Variants in KSR2 observed in about 807,000 individuals in gnomAD.
KSR2 encodes the protein kinase suppressor of ras 2.
A neutral mutation model predicts 107.8 loss-of-function variants in KSR2; 25 were observed. The ratio of observed to expected loss-of-function variants is 0.23; its 90% confidence interval spans 0.17 to 0.32. The LOEUF (loss-of-function observed/expected upper bound fraction) is 0.32, where lower values mean the gene tolerates loss of function less well. KSR2 is among the 10% of genes least tolerant of loss of function. The pLI, the probability that KSR2 is intolerant of heterozygous loss-of-function variation, is 1.00. For missense variants in KSR2, 887 were observed against 1,268.9 expected, an observed-to-expected ratio of 0.70 and a Z score of 4.57; for synonymous variants, 480 against 507.0, an observed-to-expected ratio of 0.95 and a Z score of 0.71.
In KSR2 at chr12:117,760,991, C is replaced by A. The variant is rs528447758; in HGVS notation, c.986+20G>T. 72 of 1,612,470 alleles carry A rather than the reference C, an allele frequency of 4.5e-5. No homozygotes were observed. Among genetic ancestry groups the A allele is most frequent in the South Asian group, 2.5e-4 (23 of 91,016 alleles). The stretch of plus-strand genomic sequence containing the variant: ...AGGCCGGGTTTCGACCGCCCCAGGG[C>A]ACCCACCGATCGCACTCACTTGGGC... On this transcript the variant is annotated intron_variant, in intron 4 of 19. Transcript: ENST00000339824.
rs1870690571 is a variant in KSR2, at chr12:117,457,725, T to C, written c.*9474A>G. ...CCAGTACCAGGTGCTACTGGTATCT[T>C]GTGGGGAGAGTTGAGGAAGCTGCTT... On this transcript the variant is annotated 3_prime_UTR_variant, in exon 20 of 20. Coordinates refer to ENST00000339824, the MANE Select transcript of KSR2 (RefSeq NM_173598.6). 6.6e-6 allele frequency: 1 copy of C among 152,226 alleles called. No homozygotes were observed. Among genetic ancestry groups the C allele is most frequent in the Non-Finnish European group, 1.5e-5 (1 of 68,058 alleles). 9.4% of individuals were successfully genotyped at this position (152,226 alleles called of 1,614,324 possible). A position where few individuals can be genotyped will look rare whatever the true frequency, so the allele number is the denominator to read the frequency against.
chr12:117,967,305 C>T (rs1246852906), intron 1 of KSR2, among the ~76,000 whole-genome samples: 1 of 152,148 alleles, frequency 6.6e-6, no homozygotes, highest in African/African-American at 2.4e-5. Flanking sequence ...CCAAAGATAA[C>T]TCCTCCTCCC....
intron 4 of KSR2, among the ~76,000 whole-genome samples, chr12:117,693,634 G>A (rs1381239402): frequency 6.6e-6 from 1 of 152,192 alleles, no homozygotes. Context: ...AGTAAGTTGT[G>A]CTTAATAAGT....
At chr12:117,863,366 A>C (rs1487948285) in intron 1 of KSR2, among the ~76,000 whole-genome samples, 1 of 152,190 alleles carries the variant, frequency 6.6e-6, no homozygotes, top group East Asian at 1.9e-4. Context: ...CCTGACACTG[A>C]AGCCCATTTA....
rs1247250370 is a variant in KSR2, at chr12:117,460,260, G to A, written c.*6939C>T. Reference sequence around the variant, plus strand: ...AGGACAGCCATTCTCAACCCCATGAGATGAATCCTTCATATTCTTGGTGTT... The same window carrying A: ...AGGACAGCCATTCTCAACCCCATGAAATGAATCCTTCATATTCTTGGTGTT... On this transcript the variant is annotated 3_prime_UTR_variant, in exon 20 of 20. Transcript: ENST00000339824. The A allele has an allele frequency of 6.6e-6, 1 of 152,160 alleles. No homozygotes were observed. Among genetic ancestry groups the A allele is most frequent in the Non-Finnish European group, 1.5e-5 (1 of 68,046 alleles). 9.4% of individuals were successfully genotyped at this position (152,160 alleles called of 1,614,324 possible).
At position 117,615,979 on chromosome 12, in the gene KSR2, C is replaced by G. The variant is rs141707124; in HGVS notation, c.1172-33620G>C. Among the ~76,000 whole-genome samples the G allele has an allele frequency of 1.0e-3, 157 of 151,822 alleles. 1 individual carries two copies. The highest frequency in any genetic ancestry group is 3.7e-3 in the African/African-American group (152 of 41,398). On this transcript the variant is annotated intron_variant, in intron 5 of 19. Coordinates refer to ENST00000339824, the MANE Select transcript of KSR2 (RefSeq NM_173598.6). ...ACCACCCTGGGCAATATGGTGAAACCCCACCACTACAAAAAAACACAAAAC... is the reference window on the plus strand; with the variant it reads ...ACCACCCTGGGCAATATGGTGAAACGCCACCACTACAAAAAAACACAAAAC...
intron 14 of KSR2, among the ~76,000 whole-genome samples, chr12:117,500,412 C>T (rs1444912584): frequency 1.3e-5 from 2 of 152,152 alleles, no homozygotes; most frequent in African/African-American, 2.4e-5. Flanking sequence ...GAAGGTTTTA[C>T]ATAAATCATA....
At chr12:117,745,710 G>A (rs975677249) in intron 4 of KSR2, among the ~76,000 whole-genome samples, 2 of 152,068 alleles carry the variant, frequency 1.3e-5, no homozygotes, top group Admixed American at 1.3e-4. Context: ...AACTCCTTAA[G>A]CTTATAAACA....
chr12:117,694,821 C>CA (rs1322762315), intron 4 of KSR2, among the ~76,000 whole-genome samples: 2 of 142,390 alleles, frequency 1.4e-5, no homozygotes, highest in Admixed American at 1.4e-4. Flanking sequence ...AAGCCAGTGA[C>CA]AAAAGGACAA....
chr12:117,781,950 G>T (rs985701311), intron 3 of KSR2, among the ~76,000 whole-genome samples: 1 of 152,176 alleles, frequency 6.6e-6, no homozygotes, highest in Non-Finnish European at 1.5e-5. Context: ...AAATCATCGG[G>T]TAAAGTGGAA....
At chr12:117,573,042 C>T (rs1471642006) in intron 7 of KSR2, among the ~76,000 whole-genome samples, 1 of 152,232 alleles carries the variant, frequency 6.6e-6, no homozygotes, top group African/African-American at 2.4e-5. Context: ...CTCTCATGAA[C>T]CTATTAGATG....
intron 19 of KSR2, among the ~76,000 whole-genome samples, chr12:117,468,266 C>A (rs1465679533): frequency 6.6e-6 from 1 of 152,218 alleles, no homozygotes; most frequent in Non-Finnish European, 1.5e-5. Flanking sequence ...TACACGTGGC[C>A]ACATGGGACT....
chr12:117,515,984 C>T (rs1176246269), intron 14 of KSR2, among the ~76,000 whole-genome samples: 1 of 152,150 alleles, frequency 6.6e-6, no homozygotes, highest in Non-Finnish European at 1.5e-5. Flanking sequence ...AGAAGCTGCA[C>T]AGTGGGAACA....
At chr12:117,717,479 G>A (rs760560544) in intron 4 of KSR2, among the ~76,000 whole-genome samples, 27 of 152,062 alleles carry the variant, frequency 1.8e-4, no homozygotes, top group Admixed American at 1.6e-3. Flanking sequence ...AGATTACACC[G>A]CTGCACTCCA....
intron 14 of KSR2, among the ~76,000 whole-genome samples, chr12:117,489,150 G>A (rs1872619436): frequency 6.7e-6 from 1 of 149,544 alleles, no homozygotes; most frequent in African/African-American, 2.4e-5. Flanking sequence ...GATGGCCCTT[G>A]TGTGTGTGTG....
At chr12:117,536,990 A>G (rs1193147931) in intron 10 of KSR2, among the ~76,000 whole-genome samples, 1 of 152,262 alleles carries the variant, frequency 6.6e-6, no homozygotes, top group African/African-American at 2.4e-5. Context: ...AAGTGGGTGG[A>G]TCACCTGAGG....
At chr12:117,796,119 G>A (rs1890619030) in intron 3 of KSR2, among the ~76,000 whole-genome samples, 1 of 151,926 alleles carries the variant, frequency 6.6e-6, no homozygotes, top group Non-Finnish European at 1.5e-5. Context: ...GTAGAGATGG[G>A]GGAGTCTCAC....
At chr12:117,542,162 G>T (rs975184806) in intron 9 of KSR2, among the ~76,000 whole-genome samples, 7 of 152,030 alleles carry the variant, frequency 4.6e-5, no homozygotes, top group Non-Finnish European at 7.4e-5. Context: ...AAAGTGCTAG[G>T]ATTACAGGTG....
intron 3 of KSR2, among the ~76,000 whole-genome samples, chr12:117,843,010 G>A (rs1188096988): frequency 6.6e-6 from 1 of 151,962 alleles, no homozygotes; most frequent in African/African-American, 2.4e-5. Flanking sequence ...GAAGGAGGGA[G>A]GGAAGCTGAC....
Sources: gnomAD v4.1 joint callset for allele counts (sites outside exome capture counted in the v4.1 genomes callset) on GRCh38, gnomAD v4.1.1 for gene constraint, MANE v1.5 for transcripts, NCBI Gene and HGNC (gene_info 2026-07-23, HGNC 2026-07-21) for gene names.